PDE4D: variants seen among roughly 807,000 people sequenced by gnomAD.
PDE4D encodes phosphodiesterase 4D.
Under a neutral mutation model 87.4 loss-of-function variants are expected in PDE4D, and 24 were observed. The ratio of observed to expected loss-of-function variants is 0.27; its 90% CI spans 0.20 to 0.39. The LOEUF is 0.39. Ranked by LOEUF, PDE4D falls within the 10% of genes least tolerant of loss-of-function variation. PDE4D has a pLI of 1.00. For missense variants in PDE4D, 714 were observed against 1,041.0 expected (o/e 0.69, Z 4.32); for synonymous variants, 384 against 383.2 (o/e 1.00, Z -0.02).
At chr5:59,406,388 C>T (rs3989115) in intron 1 of PDE4D, among the ~76,000 whole-genome samples, 26,170 of 95,964 alleles carry the variant, frequency 0.27, 4,620 homozygotes, top group African/African-American at 0.44. Flanking sequence ...CTTTCCTTAT[C>T]TTTCCTTCCC....
At chr5:59,657,786 T>C (rs1208206957) in intron 1 of PDE4D, among the ~76,000 whole-genome samples, 3 of 152,196 alleles carry the variant, frequency 2.0e-5, no homozygotes, top group African/African-American at 7.2e-5. Context: ...AATTAAAAGA[T>C]AGTAAGTCTC....
intron 1 of PDE4D, among the ~76,000 whole-genome samples, chr5:59,494,340 A>G (rs1359693398): frequency 6.6e-6 from 1 of 152,234 alleles, no homozygotes; most frequent in East Asian, 1.9e-4. Flanking sequence ...GCAGGTCTCA[A>G]AAATAAATAC....
intron 1 of PDE4D, among the ~76,000 whole-genome samples, chr5:59,851,172 C>T (rs1744614426): frequency 1.3e-5 from 2 of 152,010 alleles, no homozygotes; most frequent in Admixed American, 6.6e-5. Flanking sequence ...GACCTGCCTG[C>T]AACAGCCAAT....
intron 1 of PDE4D, among the ~76,000 whole-genome samples, chr5:59,440,229 T>C (rs771168296): frequency 1.3e-5 from 2 of 152,216 alleles, no homozygotes; most frequent in Middle Eastern, 3.2e-3. Flanking sequence ...CTAGGTAACA[T>C]AGAATGTAAA....
intron 1 of PDE4D, among the ~76,000 whole-genome samples, chr5:59,685,963 G>A (rs1749792699): frequency 6.6e-6 from 1 of 152,088 alleles, no homozygotes; most frequent in Admixed American, 6.6e-5. Context: ...AAAGAGAGAT[G>A]ACATTAGTGA....
chr5:59,706,561 C>A (rs983169924), intron 1 of PDE4D, among the ~76,000 whole-genome samples: 7 of 152,064 alleles, frequency 4.6e-5, no homozygotes, highest in Non-Finnish European at 8.8e-5. Context: ...CTCTTCTAGG[C>A]AAGAATGAGA....
intron 1 of PDE4D, among the ~76,000 whole-genome samples, chr5:59,418,480 T>C (rs964191819): frequency 6.6e-6 from 1 of 152,188 alleles, no homozygotes; most frequent in South Asian, 2.1e-4. Flanking sequence ...TGTCATTTTA[T>C]CTACAAAGCA....
chr5:59,228,210 C>T (rs1053769010), intron 1 of PDE4D, among the ~76,000 whole-genome samples: 6 of 151,820 alleles, frequency 4.0e-5, no homozygotes, highest in Non-Finnish European at 8.8e-5. Flanking sequence ...AATGAGAACA[C>T]ACAGACAGAA....
intron 1 of PDE4D, among the ~76,000 whole-genome samples, chr5:60,345,384 C>T (rs1758663169): frequency 6.6e-6 from 1 of 151,778 alleles, no homozygotes; most frequent in Non-Finnish European, 1.5e-5. Flanking sequence ...CAACATGGCA[C>T]ATGTATACAT....
At chr5:59,671,811 A>G (rs77523833) in intron 1 of PDE4D, among the ~76,000 whole-genome samples, 1 of 140,192 alleles carries the variant, frequency 7.1e-6, no homozygotes, top group Non-Finnish European at 1.6e-5. Flanking sequence ...TGTCTCAAGG[A>G]AAAAAAAAAA....
At chr5:60,397,909 T>C (rs1223232173) in intron 1 of PDE4D, among the ~76,000 whole-genome samples, 4 of 152,210 alleles carry the variant, frequency 2.6e-5, no homozygotes, top group Non-Finnish European at 2.9e-5. Context: ...ATCAATTTGT[T>C]CATAGAGTTT....
intron 1 of PDE4D, among the ~76,000 whole-genome samples, chr5:60,267,201 A>G (rs1353630747): frequency 6.6e-6 from 1 of 152,216 alleles, no homozygotes; most frequent in African/African-American, 2.4e-5. Flanking sequence ...AACAGCATAT[A>G]AGCAAAGAGA....
chr5:60,271,512 C>T lies in PDE4D; in HGVS notation c.-89-85825G>A, dbSNP rs957425970. On this transcript the variant is annotated intron_variant, in intron 1 of 16. Coordinates refer to the PDE4D transcript ENST00000502484. ...CCTTCTAATTCTTTCTTTCACAGTCCCATAATAAGTGAGAGGAAAATTGAC... is the reference window on the plus strand; with the variant it reads ...CCTTCTAATTCTTTCTTTCACAGTCTCATAATAAGTGAGAGGAAAATTGAC... 5.9e-5 allele frequency among the ~76,000 whole-genome samples: 9 copies of T among 152,070 alleles called. No homozygotes were observed. In the South Asian group the frequency reaches 6.2e-4, roughly 11 times the overall value.
chr5:59,411,975 T>C (rs527993551), intron 1 of PDE4D, among the ~76,000 whole-genome samples: 1 of 152,322 alleles, frequency 6.6e-6, no homozygotes, highest in African/African-American at 2.4e-5. Flanking sequence ...TCAATTATCG[T>C]GCATCTATTT....
chr5:59,622,200 C>G (rs190019855), intron 1 of PDE4D, among the ~76,000 whole-genome samples: 16 of 152,114 alleles, frequency 1.1e-4, no homozygotes, highest in Non-Finnish European at 1.9e-4. Context: ...CATATGCACA[C>G]AAACACATAC....
chr5:59,503,289 T>G lies in PDE4D; in HGVS notation c.456-287321A>C, dbSNP rs182692597. 2.6e-3 allele frequency among the ~76,000 whole-genome samples: 401 copies of G among 152,254 alleles called. 1 individual carries two copies. The highest frequency in any genetic ancestry group is 4.2e-3 in the Non-Finnish European group (288 of 68,004). ...AAACTGTAATTACATCCTCAGAAAC[T>G]TATGCTTTCAAGTAAAAGGCAAATA... On this transcript the variant is annotated intron_variant, in intron 1 of 14. Transcript: ENST00000340635.
chr5:60,106,555 A>AT (rs1230697813), intron 2 of PDE4D, among the ~76,000 whole-genome samples: 3 of 151,794 alleles, frequency 2.0e-5, no homozygotes, highest in East Asian at 3.9e-4. Flanking sequence ...CAGAATATAC[A>AT]TTTTTTTCAG....
intron 5 of PDE4D, among the ~76,000 whole-genome samples, chr5:59,068,475 T>C (rs561141313): frequency 6.6e-6 from 1 of 152,284 alleles, no homozygotes; most frequent in Non-Finnish European, 1.5e-5. Context: ...GATTCAGTGA[T>C]GAGCAAAGCA....
intron 1 of PDE4D, among the ~76,000 whole-genome samples, chr5:59,713,843 G>A (rs57465219): frequency 0.067 from 10,172 of 152,204 alleles, 1,055 homozygotes; most frequent in African/African-American, 0.22. Flanking sequence ...GCTACAAGAA[G>A]TACACTCCCA....
Sources: allele counts gnomAD v4.1 joint callset (sites outside exome capture counted in the v4.1 genomes callset), GRCh38; gene constraint gnomAD v4.1.1; transcripts MANE v1.5; gene names NCBI Gene and HGNC (gene_info 2026-07-23, HGNC 2026-07-21).